ATP8B4: variants seen among roughly 807,000 people sequenced by gnomAD.
The protein encoded by ATP8B4 is ATPase phospholipid transporting 8B4 (putative).
A neutral mutation model predicts 145.6 loss-of-function variants in ATP8B4; 133 were observed. That is an observed-to-expected ratio of 0.91 (90% CI 0.79 to 1.05). The LOEUF (loss-of-function observed/expected upper bound fraction) is 1.05, where lower values mean the gene tolerates loss of function less well. Among genes scored for constraint, ATP8B4 ranks in the 50% least tolerant of loss-of-function variants. The pLI is 0.00. For synonymous variants in ATP8B4, 507 were observed against 492.9 expected (o/e 1.03, Z -0.38); for missense variants, 1,458 against 1,425.2 (o/e 1.02, Z -0.37).
intron 1 of ATP8B4, among the ~76,000 whole-genome samples, chr15:50,170,753 G>C (rs768395306): frequency 2.6e-5 from 4 of 152,094 alleles, no homozygotes; most frequent in Non-Finnish European, 5.9e-5. Flanking sequence ...CCACTTAAAA[G>C]ATACAGAACC....
At chr15:50,019,616 C>T (rs888112727) in intron 6 of ATP8B4, among the ~76,000 whole-genome samples, 3 of 152,142 alleles carry the variant, frequency 2.0e-5, no homozygotes, top group African/African-American at 7.2e-5. Context: ...GAGCTATCTG[C>T]ACTCACTTTC....
At chr15:50,076,895 A>C (rs2054212888) in intron 2 of ATP8B4, among the ~76,000 whole-genome samples, 1 of 152,178 alleles carries the variant, frequency 6.6e-6, no homozygotes, top group Non-Finnish European at 1.5e-5. Context: ...TCTTTGCAGG[A>C]ATTAACTTTC....
At chr15:50,079,420 G>C (rs2054401290) in intron 2 of ATP8B4, among the ~76,000 whole-genome samples, 1 of 152,110 alleles carries the variant, frequency 6.6e-6, no homozygotes, top group African/African-American at 2.4e-5. Flanking sequence ...ACAGAATAAA[G>C]GAATGCTTGT....
intron 6 of ATP8B4, among the ~76,000 whole-genome samples, chr15:50,017,991 CTTTTTTT>C (rs35825862): frequency 7.1e-6 from 1 of 140,300 alleles, no homozygotes; most frequent in Non-Finnish European, 1.5e-5. Flanking sequence ...CTTTTTTTTT[CTTTTTTT>C]TTTTTTTGAA....
intron 1 of ATP8B4, among the ~76,000 whole-genome samples, chr15:50,148,564 C>G (rs1051336711): frequency 6.6e-6 from 1 of 152,158 alleles, no homozygotes; most frequent in African/African-American, 2.4e-5. Context: ...CGTGAGGACA[C>G]AGCATTCCTT....
chr15:49,891,914 G>C (rs1452185903), intron 23 of ATP8B4, among the ~76,000 whole-genome samples: 1 of 151,988 alleles, frequency 6.6e-6, no homozygotes, highest in Non-Finnish European at 1.5e-5. Flanking sequence ...AGGAGATTGA[G>C]ACCATCCTGG....
At chr15:49,888,315 G>A (rs1156233966) in intron 23 of ATP8B4, among the ~76,000 whole-genome samples, 3 of 152,062 alleles carry the variant, frequency 2.0e-5, no homozygotes, top group South Asian at 4.1e-4. Context: ...AAGATTAGTC[G>A]CAGTCTTTCA....
intron 24 of ATP8B4, 189 bp from the exon 25 acceptor site, chr15:49,876,712 C>CT: frequency 1.1e-6 from 1 of 875,568 alleles, no homozygotes; most frequent in Non-Finnish European, 1.8e-6. Context: ...ATGATCTCTA[C>CT]TTTACAGAGA....
At position 49,879,373 on chromosome 15, in the gene ATP8B4, T is replaced by A. The variant is rs202107078; in HGVS notation, c.2781+3A>T. 11 of 1,605,966 alleles carry A rather than the reference T, an allele frequency of 6.8e-6. No individual in the cohort carries two copies. The Admixed American group carries it at 1.9e-4, about 27-fold the overall frequency. Reference sequence around the variant, plus strand: ...AAGTTATAAAGATGGAAAAAAAACATACCTGGTCAAAAATCCCCATGGCTA... The same window carrying A: ...AAGTTATAAAGATGGAAAAAAAACAAACCTGGTCAAAAATCCCCATGGCTA... On this transcript the variant is annotated splice_donor_region_variant and intron_variant, in intron 24 of 27. Transcript: ENST00000284509.
intron 6 of ATP8B4, among the ~76,000 whole-genome samples, chr15:50,022,766 C>T (rs1016507777): frequency 2.6e-5 from 4 of 152,214 alleles, no homozygotes; most frequent in South Asian, 2.1e-4. Context: ...CCCCATGCCC[C>T]GCTGACCACA....
intron 1 of ATP8B4, among the ~76,000 whole-genome samples, chr15:50,157,134 T>G (rs1019239169): frequency 3.3e-5 from 5 of 152,106 alleles, no homozygotes; most frequent in African/African-American, 9.7e-5. Context: ...TACCCACAGA[T>G]AGAATATAAG....
chr15:50,061,185 T>C (rs1389423923), intron 3 of ATP8B4, among the ~76,000 whole-genome samples: 1 of 125,546 alleles, frequency 8.0e-6, no homozygotes, highest in African/African-American at 2.9e-5. Flanking sequence ...GAGAAGTATA[T>C]TGGATAAAAA....
chr15:50,177,399 C>T (rs986409703), intron 1 of ATP8B4, among the ~76,000 whole-genome samples: 4 of 152,118 alleles, frequency 2.6e-5, no homozygotes, highest in African/African-American at 4.8e-5. Flanking sequence ...ATTCTAGTTA[C>T]GAAGGCAAAA....
chr15:49,965,889 G>C (rs1393855731), intron 13 of ATP8B4, among the ~76,000 whole-genome samples: 1 of 152,148 alleles, frequency 6.6e-6, no homozygotes, highest in Non-Finnish European at 1.5e-5. Flanking sequence ...ACACAGAAGG[G>C]AGGCAATTCT....
upstream of ATP8B4, among the ~76,000 whole-genome samples, chr15:50,123,870 G>A (rs1293587357): frequency 6.6e-6 from 1 of 151,982 alleles, no homozygotes; most frequent in African/African-American, 2.4e-5. Context: ...TATTCCCCAA[G>A]CATATCCTTT....
chr15:50,105,201 G>T (rs934468052), intron 2 of ATP8B4, among the ~76,000 whole-genome samples: 70 of 133,910 alleles, frequency 5.2e-4, no homozygotes, highest in African/African-American at 1.9e-3. Context: ...CACCACTAAA[G>T]AACTTACTCA....
At chr15:49,994,052 T>A (rs912772375) in intron 9 of ATP8B4, among the ~76,000 whole-genome samples, 1 of 152,176 alleles carries the variant, frequency 6.6e-6, no homozygotes, top group African/African-American at 2.4e-5. Context: ...TATAAGCAAG[T>A]CCTTTAACTT....
intron 13 of ATP8B4, among the ~76,000 whole-genome samples, chr15:49,967,062 T>G (rs1258475375): frequency 6.6e-6 from 1 of 151,942 alleles, no homozygotes; most frequent in African/African-American, 2.4e-5. Context: ...CAAACAGAAG[T>G]GAATAGCATC....
At chr15:50,142,674 A>C (rs1218621991) in intron 1 of ATP8B4, among the ~76,000 whole-genome samples, 1 of 152,200 alleles carries the variant, frequency 6.6e-6, no homozygotes, top group African/African-American at 2.4e-5. Flanking sequence ...AGTAATGAAA[A>C]GAGGCTGATG....
Sources: gnomAD v4.1 joint callset for allele counts (sites outside exome capture counted in the v4.1 genomes callset) on GRCh38, gnomAD v4.1.1 for gene constraint, MANE v1.5 for transcripts, NCBI Gene and HGNC (gene_info 2026-07-23, HGNC 2026-07-21) for gene names.